The following SCN4A variants were observed in gnomAD, a reference collection of about 807,000 sequenced individuals.
The protein encoded by SCN4A is sodium channel protein type 4 subunit alpha.
Under a neutral mutation model 162.0 loss-of-function variants are expected in SCN4A, and 83 were observed. The observed-to-expected ratio is 0.51, with a 90% confidence interval of 0.43 to 0.61. The LOEUF is 0.61. Ranked by LOEUF, SCN4A falls within the 20% of genes least tolerant of loss-of-function variation. The probability of loss-of-function intolerance (pLI) is 0.00; values close to 1 mark genes in which losing one functional copy is unlikely to be tolerated. For synonymous variants in SCN4A, 944 were observed against 985.1 expected (o/e 0.96, Z 0.78); for missense variants, 2,196 against 2,462.5 (o/e 0.89, Z 2.29).
Position 63,939,732 on chromosome 17 carries a change from T to C in SCN4A, c.*1039A>G, listed in dbSNP as rs1024779651. 6.6e-5 allele frequency: 10 copies of C among 152,144 alleles called. No homozygotes were observed. Among genetic ancestry groups the C allele is most frequent in the African/African-American group, 2.2e-4 (9 of 41,422 alleles). 9.4% of individuals were successfully genotyped at this position (152,144 alleles called of 1,614,324 possible). On this transcript the variant is annotated 3_prime_UTR_variant, in exon 24 of 24. Coordinates refer to ENST00000435607, the MANE Select transcript of SCN4A (RefSeq NM_000334.4). Reference sequence around the variant, plus strand: ...CAGGGTCGAAATATCTAACCTGAGCTCAACTGTACATTCTTAGGATCACTT... The same window carrying C: ...CAGGGTCGAAATATCTAACCTGAGCCCAACTGTACATTCTTAGGATCACTT...
chr17:63,965,834 G>C (rs904177996), intron 8 of SCN4A, among the ~76,000 whole-genome samples: 2 of 152,222 alleles, frequency 1.3e-5, no homozygotes, highest in East Asian at 1.9e-4. Flanking sequence ...ATGAGGCCTA[G>C]GGGGTCCTGG....
intron 13 of SCN4A, among the ~76,000 whole-genome samples, chr17:63,955,344 C>T (rs946507384): frequency 1.3e-5 from 2 of 152,188 alleles, no homozygotes; most frequent in Admixed American, 6.5e-5. Flanking sequence ...GCCCTGGTGG[C>T]GGGAACCTAA....
chr17:63,959,261 G>C lies in SCN4A; in HGVS notation c.2019+4C>G. The C allele has an allele frequency of 1.9e-6, 3 of 1,607,486 alleles. No individual in the cohort carries two copies. Among genetic ancestry groups the C allele is most frequent in the Non-Finnish European group, 1.7e-6 (2 of 1,175,012 alleles). Reference sequence around the variant, plus strand: ...CAGCCCCTGGCCCTGGGGCTTTTGTGTACCAGACGGAAGGAGCGTAGCACA... The same window carrying C: ...CAGCCCCTGGCCCTGGGGCTTTTGTCTACCAGACGGAAGGAGCGTAGCACA... On this transcript the variant is annotated splice_donor_region_variant and intron_variant, in intron 12 of 23. Coordinates refer to ENST00000435607, the MANE Select transcript of SCN4A (RefSeq NM_000334.4).
At chr17:63,965,989 G>C in intron 8 of SCN4A, 113 bp downstream of exon 8, 1 of 738,968 alleles carries the variant, frequency 1.4e-6, no homozygotes. Context: ...TGAGGAGATG[G>C]CCCAGTTCGG....
chr17:63,963,588 T>A, intron 10 of SCN4A, 84 bp downstream of exon 10: 1 of 1,411,060 alleles, frequency 7.1e-7, no homozygotes. Flanking sequence ...GGCACTCACC[T>A]TCCATGGCAT....
Position 63,939,500 on chromosome 17 carries a change from A to T in SCN4A, c.*1271T>A, listed in dbSNP as rs2727277. The T allele has an allele frequency of 0.17, 25,483 of 152,378 alleles. 7,147 individuals carry two copies. The highest frequency in any genetic ancestry group is 0.58 in the African/African-American group (24,054 of 41,472). The allele number at this position is 152,378 out of a possible 1,614,324, so 9.4% of individuals were successfully genotyped here. A position where few individuals can be genotyped will look rare whatever the true frequency, so the allele number is the denominator to read the frequency against. On this transcript the variant is annotated 3_prime_UTR_variant, in exon 24 of 24. Transcript: ENST00000435607. ...ACAGCTATACACACAGGCCTATAAAAGCATACAAGCAGACACACAGCCACA... is the reference window on the plus strand; with the variant it reads ...ACAGCTATACACACAGGCCTATAAATGCATACAAGCAGACACACAGCCACA...
intron 10 of SCN4A, among the ~76,000 whole-genome samples, chr17:63,961,983 T>C (rs1216172403): frequency 6.7e-6 from 1 of 149,022 alleles, no homozygotes; most frequent in African/African-American, 2.5e-5. Context: ...CTCCCGAAGC[T>C]CCGCCCCTTA....
At chr17:63,959,088 T>G (rs1026609747) in intron 12 of SCN4A, among the ~76,000 whole-genome samples, 177 bp downstream of exon 12, 1 of 152,174 alleles carries the variant, frequency 6.6e-6, no homozygotes, top group Non-Finnish European at 1.5e-5. Flanking sequence ...GGCTCTCCTT[T>G]TCTCTGTTTT....
rs113601509 is a variant in SCN4A at position 63,960,353 on chromosome 17, C to T, written c.1845+840G>A. Among the ~76,000 whole-genome samples the T allele has an allele frequency of 5.7e-3, 861 of 152,348 alleles. 15 individuals are homozygous for T. The highest frequency in any genetic ancestry group is 0.018 in the African/African-American group (756 of 41,590). On this transcript the variant is annotated intron_variant, in intron 11 of 23. Coordinates refer to ENST00000435607, the MANE Select transcript of SCN4A (RefSeq NM_000334.4). ...CAGCCCAGCCTGGCCATGGCTGCCTCGGCACCTCTATAGGACAGACGTGCC... is the reference window on the plus strand; with the variant it reads ...CAGCCCAGCCTGGCCATGGCTGCCTTGGCACCTCTATAGGACAGACGTGCC...
intron 11 of SCN4A, among the ~76,000 whole-genome samples, chr17:63,960,436 T>A (rs1909210854): frequency 6.6e-6 from 1 of 152,182 alleles, no homozygotes. Context: ...CCAGCCCTGG[T>A]TCTCTCCCAG....
chr17:63,963,401 A>C (rs935558278), intron 10 of SCN4A, among the ~76,000 whole-genome samples: 4 of 152,224 alleles, frequency 2.6e-5, no homozygotes. Context: ...CTGGCCTTGC[A>C]GCTAGAACTG....
chr17:63,946,461 T>TCC (rs1908720895), intron 18 of SCN4A, among the ~76,000 whole-genome samples: 1 of 113,690 alleles, frequency 8.8e-6, no homozygotes, highest in Admixed American at 8.0e-5. Context: ...CCATTTTTCT[T>TCC]GCCCCCCCCC....
chr17:63,964,628 A>T lies in SCN4A; in HGVS notation c.1292T>A (p.Ile431Asn). ...GATGAGGTAGAAAGAGCCCAGGAAG[A>T]TGATGACCACGAAGAAGATCATGTA... ...KTYMIFFVVIIFLGSFYLINL... is the reference protein window; with the variant it reads ...KTYMIFFVVINFLGSFYLINL... Residue 431 changes from isoleucine to asparagine, a missense_variant, in exon 9 of 24, where the codon ATC becomes AAC. By Grantham distance (149) the Ile-to-Asn change is moderately radical. Coordinates refer to ENST00000435607, the MANE Select transcript of SCN4A (RefSeq NM_000334.4). 2 of 1,613,046 alleles carry T rather than the reference A, an allele frequency of 1.2e-6. No individual in the cohort carries two copies. The highest frequency in any genetic ancestry group is 1.7e-6 in the Non-Finnish European group (2 of 1,179,624).
Position 63,959,453 on chromosome 17 carries a change from G to A in SCN4A, c.1846-15C>T. ...CCTGTGAAGACCTAGGGGGTGGCAT[G>A]AGGCCCTGTCACAGAGCCTCGGGGA... On this transcript the variant is annotated splice_polypyrimidine_tract_variant and intron_variant, in intron 11 of 23. Transcript: ENST00000435607. 1 of 1,611,524 alleles carries A rather than the reference G, an allele frequency of 6.2e-7. No homozygotes were observed. Among genetic ancestry groups the A allele is most frequent in the Non-Finnish European group, 8.5e-7 (1 of 1,178,722 alleles).
intron 13 of SCN4A, among the ~76,000 whole-genome samples, chr17:63,956,277 GC>G (rs368212178): frequency 4.6e-5 from 7 of 152,108 alleles, no homozygotes; most frequent in African/African-American, 9.7e-5. Context: ...GTCTTGCTCT[GC>G]CCCCCCATGC....
Position 63,959,428 on chromosome 17 carries a change from C to T in SCN4A, c.1856G>A (p.Gly619Asp). ...VLTVGNLVFTGIFTAEMVLKL... is the reference protein window; with the variant it reads ...VLTVGNLVFTDIFTAEMVLKL... Reference sequence around the variant, plus strand: ...CAGAACCATCTCTGCTGTGAAGATGCCTGTGAAGACCTAGGGGGTGGCATG... The same window carrying T: ...CAGAACCATCTCTGCTGTGAAGATGTCTGTGAAGACCTAGGGGGTGGCATG... Residue 619 changes from glycine to aspartate, a missense_variant, in exon 12 of 24, where the codon GGC becomes GAC. Gly to Asp is a moderately conservative substitution (Grantham distance 94). Transcript: ENST00000435607. 1.9e-6 allele frequency: 3 copies of T among 1,613,368 alleles called. No homozygotes were observed. The highest frequency in any genetic ancestry group is 2.5e-6 in the Non-Finnish European group (3 of 1,179,560).
chr17:63,947,233 CG>C, intron 17 of SCN4A, 66 bp from the exon 18 acceptor site: 1 of 1,596,508 alleles, frequency 6.3e-7, no homozygotes. Context: ...GCCCAGGCCA[CG>C]GGGGTCTTCC....
At position 63,945,518 on chromosome 17, in the gene SCN4A, A is replaced by G. The variant is rs759107875; in HGVS notation, c.3562T>C (p.Tyr1188His). 13 of 1,613,836 alleles carry G rather than the reference A, an allele frequency of 8.1e-6. No individual in the cohort carries two copies. Among genetic ancestry groups the G allele is most frequent in the Non-Finnish European group, 9.3e-6 (11 of 1,179,874 alleles). The stretch of plus-strand genomic sequence containing the variant: ...TCAGAGGTGGTGGTGTTGATGCAGT[A>G]GTAGAACTTGCCGGCAAACAGGTTG... The part of the protein sequence containing the change: ...GVNLFAGKFY[Y>H]CINTTTSERF... The change falls in exon 19 of 24, where the codon TAC becomes CAC. Residue 1188 changes from tyrosine to histidine, a missense_variant. Physicochemically the swap from Tyr to His is moderately conservative, Grantham distance 83 (BLOSUM62 2). Coordinates refer to ENST00000435607, the MANE Select transcript of SCN4A (RefSeq NM_000334.4). This position sits in a 1 kb window ranked among gnomAD's most constrained non-coding sequence, Gnocchi z 4.4.
chr17:63,948,320 A>G (rs1201507516), intron 16 of SCN4A, among the ~76,000 whole-genome samples: 1 of 152,140 alleles, frequency 6.6e-6, no homozygotes, highest in East Asian at 1.9e-4. Context: ...GCAGGTCCAC[A>G]GTGACACATC....
Sources: gnomAD v4.1 joint callset for allele counts (sites outside exome capture counted in the v4.1 genomes callset) on GRCh38, gnomAD v4.1.1 for gene constraint, Gnocchi (gnomAD v3.1) non-coding constraint, MANE v1.5 for transcripts, NCBI Gene and HGNC (gene_info 2026-07-23, HGNC 2026-07-21) for gene names.